DCLK1: variants seen among roughly 807,000 people sequenced by gnomAD.
DCLK1 encodes serine/threonine-protein kinase DCLK1.
DCLK1 carries 16 observed loss-of-function variants against 86.2 expected under a neutral mutation model. That is an observed-to-expected ratio of 0.19 (90% CI 0.13 to 0.28). The LOEUF is 0.28. Ranked by LOEUF, DCLK1 falls within the 10% of genes least tolerant of loss-of-function variation. The probability of loss-of-function intolerance (pLI) is 1.00; values close to 1 mark genes in which losing one functional copy is unlikely to be tolerated. For synonymous variants in DCLK1, 369 were observed against 370.5 expected (o/e 1.00, Z 0.05); for missense variants, 590 against 940.2 (o/e 0.63, Z 4.87).
At chr13:35,870,700 C>T (rs1358767744) in intron 5 of DCLK1, among the ~76,000 whole-genome samples, 1 of 152,166 alleles carries the variant, frequency 6.6e-6, no homozygotes, top group Admixed American at 6.5e-5. Context: ...GCATACACAG[C>T]CTCTCCAACA....
chr13:35,937,965 G>A (rs778472884), intron 4 of DCLK1, among the ~76,000 whole-genome samples: 5 of 152,048 alleles, frequency 3.3e-5, no homozygotes, highest in Non-Finnish European at 7.4e-5. Flanking sequence ...AAAGAAGAGA[G>A]ACTATAGATA....
chr13:35,817,798 T>C (rs1381483578), intron 11 of DCLK1, among the ~76,000 whole-genome samples: 4 of 152,178 alleles, frequency 2.6e-5, no homozygotes. Context: ...AGGCTTGTCA[T>C]ACTGAGACTC....
chr13:35,788,012 A>C, intron 16 of DCLK1: 2 of 590,964 alleles, frequency 3.4e-6, no homozygotes, highest in Non-Finnish European at 6.1e-6. Flanking sequence ...GAAAGCTGGC[A>C]AATGTCAGTG....
intron 5 of DCLK1, among the ~76,000 whole-genome samples, chr13:35,868,125 C>A (rs1232998142): frequency 1.3e-5 from 2 of 151,430 alleles, no homozygotes; most frequent in South Asian, 2.1e-4. Context: ...CGGGTTCACG[C>A]CATTCTCCTG....
chr13:35,867,675 G>A (rs1309382430), intron 5 of DCLK1, among the ~76,000 whole-genome samples: 1 of 151,948 alleles, frequency 6.6e-6, no homozygotes, highest in African/African-American at 2.4e-5. Flanking sequence ...TTACTTTTCA[G>A]AAATGAATAT....
chr13:35,851,973 G>A (rs917070901), intron 6 of DCLK1, among the ~76,000 whole-genome samples: 15 of 150,700 alleles, frequency 1.0e-4, no homozygotes, highest in East Asian at 2.0e-4. Context: ...GGGGCAAGGC[G>A]CGCGTGTGTG....
intron 3 of DCLK1, among the ~76,000 whole-genome samples, chr13:35,984,781 C>T (rs905774831): frequency 1.3e-5 from 2 of 152,104 alleles, no homozygotes; most frequent in Non-Finnish European, 2.9e-5. Context: ...CTCTTCACTA[C>T]CCCCCAGGCT....
chr13:36,045,334 A>ATCTATATC (rs1566658652), intron 3 of DCLK1, among the ~76,000 whole-genome samples: 28 of 29,304 alleles, frequency 9.6e-4, no homozygotes, highest in Non-Finnish European at 1.7e-3. Flanking sequence ...GTGTGTGTGT[A>ATCTATATC]TATATATATA....
At chr13:36,128,624 G>A (rs1004937400) in intron 1 of DCLK1, among the ~76,000 whole-genome samples, 5 of 152,278 alleles carry the variant, frequency 3.3e-5, no homozygotes, top group African/African-American at 7.2e-5. Context: ...TCTGGGGAGG[G>A]AGAAATGAAG....
chr13:35,783,888 C>T (rs1472751984), intron 16 of DCLK1, among the ~76,000 whole-genome samples: 5 of 152,110 alleles, frequency 3.3e-5, no homozygotes, highest in African/African-American at 1.2e-4. Flanking sequence ...GCCCAGCCTC[C>T]AAGACTGTTT....
At chr13:35,988,371 A>G (rs966974403) in intron 3 of DCLK1, among the ~76,000 whole-genome samples, 3 of 152,004 alleles carry the variant, frequency 2.0e-5, no homozygotes, top group African/African-American at 7.2e-5. Flanking sequence ...AGCTGCTCTC[A>G]CCTCTTGCAA....
intron 4 of DCLK1, among the ~76,000 whole-genome samples, chr13:35,885,528 T>G (rs1376748512): frequency 1.3e-5 from 2 of 152,200 alleles, no homozygotes; most frequent in Non-Finnish European, 2.9e-5. Flanking sequence ...AGAAGAGTGA[T>G]GTAAACATAC....
chr13:35,974,198 A>G (rs1879209313), intron 3 of DCLK1, among the ~76,000 whole-genome samples: 1 of 152,222 alleles, frequency 6.6e-6, no homozygotes, highest in African/African-American at 2.4e-5. Flanking sequence ...AGCCCCCCTC[A>G]GATTCATGTG....
chr13:36,081,190 TTAAA>T (rs1446048888), intron 3 of DCLK1, among the ~76,000 whole-genome samples: 2 of 152,132 alleles, frequency 1.3e-5, no homozygotes. Context: ...AAAATTAGAA[TTAAA>T]TAATTATTAA....
At chr13:36,038,943 T>C (rs1882604859) in intron 3 of DCLK1, among the ~76,000 whole-genome samples, 1 of 152,198 alleles carries the variant, frequency 6.6e-6, no homozygotes, top group African/African-American at 2.4e-5. Flanking sequence ...TAATCCCCTG[T>C]GTGTAAAATT....
intron 15 of DCLK1, 24 bp from the exon 16 acceptor site, chr13:35,793,503 A>T: frequency 6.4e-7 from 1 of 1,554,002 alleles, no homozygotes; most frequent in Non-Finnish European, 8.8e-7. Flanking sequence ...AATAAAGAGA[A>T]GAGAAAAAGA....
At chr13:35,859,789 A>G (rs566119864) in intron 5 of DCLK1, among the ~76,000 whole-genome samples, 1 of 152,338 alleles carries the variant, frequency 6.6e-6, no homozygotes, top group South Asian at 2.1e-4. Flanking sequence ...TTATGATTAA[A>G]CATCAAAGTT....
intron 3 of DCLK1, among the ~76,000 whole-genome samples, chr13:36,092,788 G>A (rs575733540): frequency 3.9e-5 from 6 of 152,098 alleles, no homozygotes; most frequent in South Asian, 2.1e-4. Context: ...GCCCGGCCGC[G>A]AGAGGCGTTT....
At chr13:36,017,969 G>A (rs942983603) in intron 3 of DCLK1, among the ~76,000 whole-genome samples, 1 of 152,196 alleles carries the variant, frequency 6.6e-6, no homozygotes, top group Non-Finnish European at 1.5e-5. Context: ...GTCAGTTCTA[G>A]ATGATGGCAA....
Sources: gnomAD v4.1 joint callset for allele counts (sites outside exome capture counted in the v4.1 genomes callset) on GRCh38, gnomAD v4.1.1 for gene constraint, MANE v1.5 for transcripts, NCBI Gene and HGNC (gene_info 2026-07-23, HGNC 2026-07-21) for gene names.